The following SPINK7 variants were observed in gnomAD, a reference collection of about 807,000 sequenced individuals.
SPINK7 encodes the protein serine peptidase inhibitor Kazal type 7, also known as serine protease inhibitor Kazal-type 7.
In SPINK7, 8 loss-of-function variants were observed where a neutral mutation model predicts 11.6. The ratio of observed to expected loss-of-function variants is 0.69; its 90% CI spans 0.41 to 1.25. The LOEUF (loss-of-function observed/expected upper bound fraction) is 1.25. Among genes scored for constraint, SPINK7 ranks in the 50% most tolerant of loss-of-function variants. The pLI, the probability that SPINK7 is intolerant of heterozygous loss-of-function variation, is 0.01. For missense variants in SPINK7, 113 were observed against 99.3 expected, an observed-to-expected ratio of 1.14 and a Z score of -0.58; for synonymous variants, 38 against 35.3, an observed-to-expected ratio of 1.08 and a Z score of -0.27.
intron 1 of SPINK7, among the ~76,000 whole-genome samples, chr5:148,312,980 C>T (rs2113397881): frequency 6.6e-6 from 1 of 152,154 alleles, no homozygotes; most frequent in East Asian, 1.9e-4. Flanking sequence ...TTTCCAACCA[C>T]ATAAAGACAT....
intron 2 of SPINK7, 79 bp from the exon 3 acceptor site, chr5:148,314,021 C>T: frequency 6.3e-7 from 1 of 1,578,172 alleles, no homozygotes; most frequent in South Asian, 1.2e-5. Context: ...CTGGGACTTC[C>T]AGCCCTTGTA....
chr5:148,312,504 CCTT>C lies in SPINK7; in HGVS notation c.24_26del (p.Leu10del), dbSNP rs753382049. 2 of 1,612,264 alleles carry C rather than the reference CCTT, an allele frequency of 1.2e-6. No individual in the cohort carries two copies. Among genetic ancestry groups the C allele is most frequent in the South Asian group, 2.2e-5 (2 of 91,064 alleles). ...CCAGCATGAAGATCACTGGGGGTCT[CCTT>C]CTGCTCTGTACAGTGGTCTATTTCT... On this transcript the variant is annotated inframe_deletion, in exon 1 of 4. Coordinates refer to ENST00000274565, the MANE Select transcript of SPINK7 (RefSeq NM_032566.3).
At chr5:148,314,008 G>A in intron 2 of SPINK7, 92 bp from the exon 3 acceptor site, 1 of 1,531,590 alleles carries the variant, frequency 6.5e-7, no homozygotes, top group Non-Finnish European at 8.9e-7. Context: ...CTGAATATCT[G>A]AGCTGGGACT....
rs1378782674 is a variant in SPINK7 at position 148,315,885 on chromosome 5, T to C, written c.*201T>C. The C allele has an allele frequency of 5.0e-6, 2 of 401,024 alleles. No homozygotes were observed. The highest frequency in any genetic ancestry group is 4.5e-6 in the Non-Finnish European group (1 of 224,628). The allele number at this position is 401,024 out of a possible 1,614,324, so 24.8% of individuals were successfully genotyped here. A position where few individuals can be genotyped will look rare whatever the true frequency, so the allele number is the denominator to read the frequency against. On this transcript the variant is annotated 3_prime_UTR_variant, in exon 4 of 4. Coordinates refer to ENST00000274565, the MANE Select transcript of SPINK7 (RefSeq NM_032566.3). Reference sequence around the variant, plus strand: ...CTCACTGACAGACCAGCATTTTTTTTTTAACACGTCAATAAAAAAATAATC... The same window carrying C: ...CTCACTGACAGACCAGCATTTTTTTCTTAACACGTCAATAAAAAAATAATC...
Position 148,315,267 on chromosome 5 carries a change from A to G in SPINK7, c.213-372A>G, listed in dbSNP as rs10447230. Among the ~76,000 whole-genome samples, 1,166 of 152,272 alleles carry G rather than the reference A, an allele frequency of 7.7e-3. 16 individuals carry two copies. The highest frequency in any genetic ancestry group is 0.027 in the African/African-American group (1,111 of 41,562). On this transcript the variant is annotated intron_variant, in intron 3 of 3. Transcript: ENST00000274565. ...TTTTCAAGGGACACTGGAGAGAAACATGATGAAAGTCCTCCTCACTAATGC... is the reference window on the plus strand; with the variant it reads ...TTTTCAAGGGACACTGGAGAGAAACGTGATGAAAGTCCTCCTCACTAATGC...
At chr5:148,315,435 G>A (rs540164864) in intron 3 of SPINK7, among the ~76,000 whole-genome samples, 2 of 152,218 alleles carry the variant, frequency 1.3e-5, no homozygotes, top group African/African-American at 2.4e-5. Context: ...GCAGCAGAGG[G>A]GTGGAATTAT....
rs1370715968 is a variant in SPINK7 at position 148,312,936 on chromosome 5, T to TA, written c.61+393dup. Among the ~76,000 whole-genome samples, 3 of 152,066 alleles carry TA rather than the reference T, an allele frequency of 2.0e-5. No individual in the cohort carries two copies. The East Asian group carries it at 5.8e-4, about 29-fold the overall frequency. ...TCTCAAAAAGCCAAGGGTCAACAAT[T>TA]AGACTTTTATACTGTGAAAAATTAA... is the stretch of plus-strand genomic sequence containing the variant. On this transcript the variant is annotated intron_variant, in intron 1 of 3. Transcript: ENST00000274565.
Position 148,315,820 on chromosome 5 carries a change from G to T in SPINK7, c.*136G>T. Reference sequence around the variant, plus strand: ...AGCCAGATTCAGAGTAATCTTGACTGAATGGAGAAAGTTTCTGTGCTACCC... The same window carrying T: ...AGCCAGATTCAGAGTAATCTTGACTTAATGGAGAAAGTTTCTGTGCTACCC... On this transcript the variant is annotated 3_prime_UTR_variant, in exon 4 of 4. Transcript: ENST00000274565. The T allele has an allele frequency of 1.9e-6, 1 of 534,344 alleles. No homozygotes were observed. Among genetic ancestry groups the T allele is most frequent in the East Asian group, 2.8e-5 (1 of 35,524 alleles). 33.1% of individuals were successfully genotyped at this position (534,344 alleles called of 1,614,324 possible).
In SPINK7 at chr5:148,315,788, G is replaced by A; in HGVS notation, c.*104G>A. On this transcript the variant is annotated 3_prime_UTR_variant, in exon 4 of 4. Coordinates refer to ENST00000274565, the MANE Select transcript of SPINK7 (RefSeq NM_032566.3). ...TCAGTTTTACTGATGTTCTGGGTGG[G>A]GGACAGAGCCAGATTCAGAGTAATC... The A allele has an allele frequency of 2.8e-6, 2 of 711,012 alleles. No individual in the cohort carries two copies. Among genetic ancestry groups the A allele is most frequent in the Non-Finnish European group, 5.0e-6 (2 of 398,900 alleles). 44.0% of individuals were successfully genotyped at this position (711,012 alleles called of 1,614,324 possible). A position where few individuals can be genotyped will look rare whatever the true frequency, so the allele number is the denominator to read the frequency against.
At chr5:148,313,168 C>A (rs997931691) in intron 1 of SPINK7, among the ~76,000 whole-genome samples, 3 of 151,966 alleles carry the variant, frequency 2.0e-5, no homozygotes, top group African/African-American at 7.2e-5. Flanking sequence ...TTTTATAATT[C>A]TCTTACCTAA....
Position 148,315,623 on chromosome 5 carries a change from CTG to C in SPINK7, c.213-12_213-11del. ...CTCTTGTGCTAATGAATCTTGTGAA[CTG>C]TGTCTTCCCTTAGGAAAAGTAATGG... is the stretch of plus-strand genomic sequence containing the variant. On this transcript the variant is annotated splice_polypyrimidine_tract_variant and intron_variant, in intron 3 of 3. Coordinates refer to ENST00000274565, the MANE Select transcript of SPINK7 (RefSeq NM_032566.3). 1.3e-6 allele frequency: 2 copies of C among 1,573,360 alleles called. No individual in the cohort carries two copies. Among genetic ancestry groups the C allele is most frequent in the Non-Finnish European group, 1.7e-6 (2 of 1,144,120 alleles).
chr5:148,314,384 C>A, intron 3 of SPINK7, 160 bp downstream of exon 3: 1 of 773,528 alleles, frequency 1.3e-6, no homozygotes, highest in Non-Finnish European at 2.1e-6. Flanking sequence ...GTTGCACAAT[C>A]AGACAGGGTA....
Position 148,314,175 on chromosome 5 carries a change from T to A in SPINK7, c.163T>A (p.Ser55Thr). The A allele has an allele frequency of 6.2e-7, 1 of 1,613,848 alleles. No homozygotes were observed. Among genetic ancestry groups the A allele is most frequent in the Non-Finnish European group, 8.5e-7 (1 of 1,179,782 alleles). The change falls in exon 3 of 4, where the codon TCT (serine) becomes ACT (threonine). Residue 55 changes from serine to threonine, a missense_variant. Transcript: ENST00000274565. Reference protein sequence around the residue: ...CPITYLPVCGSDYITYGNECH... With the variant: ...CPITYLPVCGTDYITYGNECH... ...CATCACATACCTACCAGTTTGTGGT[T>A]CTGACTACATCACCTATGGGAATGA...
intron 3 of SPINK7, 147 bp from the exon 4 acceptor site, chr5:148,315,492 T>C: frequency 1.9e-6 from 1 of 524,552 alleles, no homozygotes; most frequent in Non-Finnish European, 3.5e-6. Flanking sequence ...GAATGTGCTT[T>C]GGCAAGGTCA....
At chr5:148,312,613 T>C (rs1233756858) in intron 1 of SPINK7, 69 bp downstream of exon 1, 5 of 855,920 alleles carry the variant, frequency 5.8e-6, no homozygotes, top group African/African-American at 1.7e-5. Flanking sequence ...CCTCCTGCGA[T>C]GTGAGCATCT....
In SPINK7 at chr5:148,312,442, T is replaced by G; in HGVS notation, c.-42T>G. ...TGGGATATGGTCGATGCAGCTGTAGTGACAATCTCAGAGCAGCTTCTACAC... is the reference window on the plus strand; with the variant it reads ...TGGGATATGGTCGATGCAGCTGTAGGGACAATCTCAGAGCAGCTTCTACAC... On this transcript the variant is annotated 5_prime_UTR_variant, in exon 1 of 4. Transcript: ENST00000274565. 7.3e-7 allele frequency: 1 copy of G among 1,363,874 alleles called. No individual in the cohort carries two copies. Among genetic ancestry groups the G allele is most frequent in the South Asian group, 1.2e-5 (1 of 86,106 alleles). 84.5% of individuals were successfully genotyped at this position (1,363,874 alleles called of 1,614,324 possible).
chr5:148,313,830 T>A, intron 2 of SPINK7: 1 of 509,022 alleles, frequency 2.0e-6, no homozygotes, highest in Non-Finnish European at 3.4e-6. Flanking sequence ...TTACTCTAGT[T>A]GTTCTGAAGA....
intron 3 of SPINK7, chr5:148,314,529 G>A: frequency 2.5e-6 from 1 of 399,198 alleles, no homozygotes; most frequent in East Asian, 4.2e-5. Context: ...GTTCTATAGA[G>A]GCAAGTCAGG....
intron 1 of SPINK7, 77 bp downstream of exon 1, chr5:148,312,621 T>A: frequency 2.5e-6 from 2 of 790,504 alleles, no homozygotes; most frequent in Non-Finnish European, 4.2e-6. Flanking sequence ...GATGTGAGCA[T>A]CTCAGAAACA....
Sources: gnomAD v4.1 joint callset for allele counts (sites outside exome capture counted in the v4.1 genomes callset) on GRCh38, gnomAD v4.1.1 for gene constraint, MANE v1.5 for transcripts, NCBI Gene and HGNC (gene_info 2026-07-23, HGNC 2026-07-21) for gene names.